The following KANK3 variants were observed in gnomAD, a reference collection of about 807,000 sequenced individuals.
The protein encoded by KANK3 is KN motif and ankyrin repeat domain-containing protein 3.
Under a neutral mutation model 65.4 loss-of-function variants are expected in KANK3, and 61 were observed. The ratio of observed to expected loss-of-function variants is 0.93; its 90% confidence interval spans 0.76 to 1.15. KANK3 has a LOEUF of 1.15. Ranked by LOEUF, KANK3 falls within the 50% of genes most tolerant of loss-of-function variation. KANK3 has a pLI of 0.00. For synonymous variants in KANK3, 586 were observed against 543.3 expected (o/e 1.08, Z -1.09); for missense variants, 1,187 against 1,178.8 (o/e 1.01, Z -0.10).
intron 1 of KANK3, among the ~76,000 whole-genome samples, chr19:8,338,410 AAAG>A (rs1374714326): frequency 2.0e-5 from 3 of 152,124 alleles, no homozygotes; most frequent in African/African-American, 4.8e-5. Flanking sequence ...CATCAAGCAA[AAAG>A]AAGAAGGTGA....
intron 2 of KANK3, 136 bp downstream of exon 2, chr19:8,337,659 T>C: frequency 1.9e-6 from 2 of 1,029,324 alleles, no homozygotes; most frequent in Non-Finnish European, 3.0e-6. Context: ...ATTGATGCCA[T>C]AGGTGGTTTA....
chr19:8,340,275 C>CATATATATATAT (rs1555684729), intron 1 of KANK3, among the ~76,000 whole-genome samples: 40 of 66,070 alleles, frequency 6.1e-4, no homozygotes, highest in African/African-American at 2.3e-3. Context: ...AAAAAAAAAC[C>CATATATATATAT]ATATATATAT....
chr19:8,325,096 C>G lies in KANK3; in HGVS notation c.1937G>C (p.Gly646Ala), dbSNP rs1970401281. ...LAIASLLLDT[G>A]ACEVNRQNRA... ...GTTCTGGCGGTTGACCTCGCAGGCC[C>G]CTGGGAGAGAAAAGGGGGCCGTCCA... Residue 646 changes from glycine to alanine, a missense_variant and splice_region_variant, in exon 8 of 11, where the codon GGG becomes GCG. This residue lies in a region of KANK3 where 1,078 missense variants were observed against 1,038.2 expected (regional missense o/e 1.04). Coordinates refer to ENST00000330915, the MANE Select transcript of KANK3 (RefSeq NM_198471.3). 6.2e-7 allele frequency: 1 copy of G among 1,609,070 alleles called. No individual in the cohort carries two copies. Among genetic ancestry groups the G allele is most frequent in the Admixed American group, 1.7e-5 (1 of 58,972 alleles).
chr19:8,322,842 C>T lies in KANK3; in HGVS notation c.2463G>A (p.Gln821=). Residue 821 remains glutamine, a synonymous_variant, in exon 11 of 11, where the codon CAG becomes CAA. Transcript: ENST00000330915. ...CGDNGENPQV[Q] The stretch of plus-strand genomic sequence containing the variant: ...GTAGTGAGCCAGACGAGGCAGCTTA[C>T]TGAACCTGGGGGTTCTCTCCATTGT... 2 of 1,605,464 alleles carry T rather than the reference C, an allele frequency of 1.2e-6. No homozygotes were observed. The highest frequency in any genetic ancestry group is 1.7e-5 in the Admixed American group (1 of 58,286).
intron 1 of KANK3, among the ~76,000 whole-genome samples, chr19:8,342,431 CCTGA>C (rs1339763041): frequency 6.6e-6 from 1 of 152,180 alleles, no homozygotes; most frequent in African/African-American, 2.4e-5. Context: ...CGCTCCCTGC[CCTGA>C]CTGTCACAGC....
intron 1 of KANK3, among the ~76,000 whole-genome samples, chr19:8,338,178 C>T (rs967019679): frequency 6.6e-6 from 1 of 151,830 alleles, no homozygotes; most frequent in African/African-American, 2.4e-5. Flanking sequence ...CCCACCACCA[C>T]GCCTGGCTAA....
chr19:8,337,892 C>A, intron 1 of KANK3, 36 bp from the exon 2 acceptor site: 2 of 1,610,786 alleles, frequency 1.2e-6, no homozygotes, highest in Non-Finnish European at 1.7e-6. Context: ...GGGCGCTGTC[C>A]CTCTGGCTGG....
intron 7 of KANK3, among the ~76,000 whole-genome samples, chr19:8,328,851 C>A (rs1215308183): frequency 2.6e-5 from 4 of 151,972 alleles, no homozygotes; most frequent in African/African-American, 9.7e-5. Flanking sequence ...CAGGAGGTTG[C>A]AGGGATCATG....
Position 8,340,865 on chromosome 19 carries a change from C to T in KANK3, c.-29+2360G>A, listed in dbSNP as rs144938489. On this transcript the variant is annotated intron_variant, in intron 1 of 10. Transcript: ENST00000330915. The stretch of plus-strand genomic sequence containing the variant: ...GTGGATCAACAGGCCAGCGGGTCAT[C>T]GCAGAGGACAGCCAATGCCGTTCAT... Among the ~76,000 whole-genome samples, 40 of 152,308 alleles carry T rather than the reference C, an allele frequency of 2.6e-4. 1 individual carries two copies. In the East Asian group the frequency reaches 7.5e-3, roughly 29 times the overall value.
rs1970621285 is a variant in KANK3 at position 8,335,517 on chromosome 19, C to T, written c.310G>A (p.Gly104Ser). 5 of 1,230,692 alleles carry T rather than the reference C, an allele frequency of 4.1e-6. No individual in the cohort carries two copies. Among genetic ancestry groups the T allele is most frequent in the Admixed American group, 4.2e-5 (1 of 23,640 alleles). The allele number at this position is 1,230,692 out of a possible 1,614,324, so 76.2% of individuals were successfully genotyped here. A position where few individuals can be genotyped will look rare whatever the true frequency, so the allele number is the denominator to read the frequency against. The change falls in exon 3 of 11, where the codon GGC becomes AGC. Residue 104 changes from glycine (G) to serine (S), a missense_variant. Transcript: ENST00000330915. ...SLASDDGGAP[G>S]ILSQGAPSGL... ...GAGGGCGCGCCCTGGGAGAGTATGC[C>T]CGGTGCTCCACCGTCGTCACTGGCC...
Position 8,338,898 on chromosome 19 carries a change from AAG to A in KANK3, c.-28-1044_-28-1043del, listed in dbSNP as rs202215047. On this transcript the variant is annotated intron_variant, in intron 1 of 10. Coordinates refer to ENST00000330915, the MANE Select transcript of KANK3 (RefSeq NM_198471.3). ...CAAAAAAAAAAAAAAAAAAAAAAAA[AAG>A]GATGTAATTGTGCATCCAAATTTTT... Among the ~76,000 whole-genome samples the A allele has an allele frequency of 3.1e-3, 331 of 107,758 alleles. 36 individuals are homozygous for A. The highest frequency in any genetic ancestry group is 6.6e-3 in the African/African-American group (212 of 32,260). 70.7% of individuals were successfully genotyped at this position (107,758 alleles called of 152,430 possible).
chr19:8,336,668 A>G (rs1970644584), intron 2 of KANK3, among the ~76,000 whole-genome samples: 1 of 147,078 alleles, frequency 6.8e-6, no homozygotes, highest in Non-Finnish European at 1.5e-5. Context: ...TGAGCCTGGG[A>G]GGCAGAGGTT....
At position 8,324,839 on chromosome 19, in the gene KANK3, T is replaced by A. The variant is rs2972571; in HGVS notation, c.2083-9A>T. ...AGGGCTGTCTGCCCCGTCTGGGGAG[T>A]GGGGAGGAAGAGGGAACAGGCTGGG... is the stretch of plus-strand genomic sequence containing the variant. On this transcript the variant is annotated splice_polypyrimidine_tract_variant and intron_variant, in intron 8 of 10. Transcript: ENST00000330915. 311,585 of 1,605,256 alleles carry A rather than the reference T, an allele frequency of 0.19. 32,612 individuals are homozygous for A. The highest frequency in any genetic ancestry group is 0.22 in the Non-Finnish European group (256,801 of 1,174,648).
chr19:8,324,497 C>T lies in KANK3; in HGVS notation c.2334G>A (p.Val778=), dbSNP rs774150889. Residue 778 remains valine (V), a synonymous_variant, in exon 10 of 11, where the codon GTG becomes GTA. Transcript: ENST00000330915. The stretch of plus-strand genomic sequence containing the variant: ...TCAGGTGGGCATGTAGCAGAGCGGC[C>T]ACCTCATCCTGCTCAGCCTCCAGGG... The part of the protein sequence containing the change: ...AIALEAEQDE[V]AALLHAHLSS... 1.2e-6 allele frequency: 2 copies of T among 1,612,952 alleles called. No individual in the cohort carries two copies. The highest frequency in any genetic ancestry group is 2.2e-5 in the South Asian group (2 of 90,944).
intron 1 of KANK3, among the ~76,000 whole-genome samples, chr19:8,340,828 C>T (rs1451340006): frequency 2.0e-5 from 3 of 152,182 alleles, no homozygotes; most frequent in Non-Finnish European, 4.4e-5. Context: ...CCCTTCACAC[C>T]AGCTGCAAGG....
intron 7 of KANK3, 71 bp downstream of exon 7, chr19:8,332,943 G>A (rs1209402561): frequency 7.6e-7 from 1 of 1,311,702 alleles, no homozygotes; most frequent in East Asian, 2.5e-5. Flanking sequence ...GAGTCTTTGA[G>A]CCTAGGTCAG....
rs1970616755 is a variant in KANK3 at position 8,335,344 on chromosome 19, T to C, written c.483A>G (p.Pro161=). ...PSPGRGVPRS[P]RGSGRSSPAP... ...CGGGGCTGCTGCGGCCGGACCCGCG[T>C]GGGCTGCGCGGGACCCCGCGGCCGG... Residue 161 remains proline, a synonymous_variant, in exon 3 of 11, where the codon CCA becomes CCG. Coordinates refer to ENST00000330915, the MANE Select transcript of KANK3 (RefSeq NM_198471.3). The C allele has an allele frequency of 8.4e-7, 1 of 1,194,010 alleles. No homozygotes were observed. Among genetic ancestry groups the C allele is most frequent in the Non-Finnish European group, 1.0e-6 (1 of 964,124 alleles). The allele number at this position is 1,194,010 out of a possible 1,614,324, so 74.0% of individuals were successfully genotyped here. A position where few individuals can be genotyped will look rare whatever the true frequency, so the allele number is the denominator to read the frequency against.
chr19:8,337,218 T>TC (rs1394930402), intron 2 of KANK3, among the ~76,000 whole-genome samples: 2 of 146,966 alleles, frequency 1.4e-5, no homozygotes, highest in East Asian at 4.0e-4. Context: ...TTTTTTTTTT[T>TC]TTTGAGACGC....
chr19:8,329,170 C>CAA (rs35053290), intron 7 of KANK3, among the ~76,000 whole-genome samples: 5 of 90,198 alleles, frequency 5.5e-5, no homozygotes, highest in Admixed American at 1.2e-4. Flanking sequence ...GACTCCATCT[C>CAA]AAAAAAAAAA....
Sources: allele counts gnomAD v4.1 joint callset (sites outside exome capture counted in the v4.1 genomes callset), GRCh38; gene constraint gnomAD v4.1.1; regional missense constraint gnomAD v4.1.1; transcripts MANE v1.5; gene names NCBI Gene and HGNC (gene_info 2026-07-23, HGNC 2026-07-21).